Variants in C9orf72 observed in about 807,000 individuals in gnomAD.
The protein encoded by C9orf72 is guanine nucleotide exchange factor C9orf72.
C9orf72 carries 44 observed loss-of-function variants against 51.6 expected under a neutral mutation model. The observed-to-expected ratio is 0.85, with a 90% CI of 0.67 to 1.10. The LOEUF is 1.10. Ranked by LOEUF, C9orf72 falls within the 50% of genes least tolerant of loss-of-function variation. The pLI is 0.00. For missense variants in C9orf72, 607 were observed against 570.6 expected (o/e 1.06, Z -0.65); for synonymous variants, 213 against 194.2 (o/e 1.10, Z -0.81).
rs759411226 is a variant in C9orf72 at position 27,566,791 on chromosome 9, A to G, written c.330T>C (p.Tyr110=). 5 of 1,613,896 alleles carry G rather than the reference A, an allele frequency of 3.1e-6. No homozygotes were observed. Among genetic ancestry groups the G allele is most frequent in the African/African-American group, 1.3e-5 (1 of 75,046 alleles). The change falls in exon 2 of 11, where the codon TAT becomes TAC. Residue 110 remains tyrosine, a synonymous_variant. Transcript: ENST00000380003. ...TCTGTGGAAGTATAATTGATAGTCC[A>G]TATGTGCTGCGATCCCCATTCCAGT... The part of the protein sequence containing the change: ...DGNWNGDRST[Y]GLSIILPQTE...
At chr9:27,565,418 G>C (rs1819444433) in intron 3 of C9orf72, 113 bp downstream of exon 3, 2 of 582,774 alleles carry the variant, frequency 3.4e-6, no homozygotes, top group South Asian at 2.7e-5. Flanking sequence ...CTCCATAAAA[G>C]CTCCATTAAA....
chr9:27,548,298 A>G lies in C9orf72; in HGVS notation c.1384T>C (p.Phe462Leu). The part of the protein sequence containing the change: ...AEKIKPGLHS[F>L]IFGRPFYTSV... The stretch of plus-strand genomic sequence containing the variant: ...GTGTAGAAAGGTCTTCCAAAGATAA[A>G]AGAGTGTAGGCCTGGTTTAATTTTC... Residue 462 changes from phenylalanine (F) to leucine (L), a missense_variant, in exon 11 of 11, where the codon TTT (phenylalanine) becomes CTT (leucine). Physicochemically the swap from Phe to Leu is conservative, Grantham distance 22. Coordinates refer to ENST00000380003, the MANE Select transcript of C9orf72 (RefSeq NM_018325.5). 6.2e-7 allele frequency: 1 copy of G among 1,613,510 alleles called. No homozygotes were observed.
chr9:27,553,419 C>A (rs575764086), intron 8 of C9orf72, among the ~76,000 whole-genome samples: 1 of 152,248 alleles, frequency 6.6e-6, no homozygotes, highest in East Asian at 1.9e-4. Flanking sequence ...CACTTACAAC[C>A]ATCTGATCTT....
At chr9:27,567,234 AT>A in intron 1 of C9orf72, 70 bp from the exon 2 acceptor site, 1 of 871,896 alleles carries the variant, frequency 1.1e-6, no homozygotes, top group Non-Finnish European at 1.7e-6. Flanking sequence ...ACCCCAAATG[AT>A]TTAGACATAT....
intron 1 of C9orf72, among the ~76,000 whole-genome samples, chr9:27,573,138 G>A (rs918561224): frequency 2.0e-5 from 3 of 152,126 alleles, no homozygotes; most frequent in Non-Finnish European, 2.9e-5. Flanking sequence ...GCGGGTCCCC[G>A]GGAAGGAGAC....
At chr9:27,560,532 A>G (rs1157696802) in intron 5 of C9orf72, 2 of 683,258 alleles carry the variant, frequency 2.9e-6, no homozygotes, top group Admixed American at 9.3e-5. Flanking sequence ...TCAGTATAAT[A>G]TCATTTAATT....
intron 6 of C9orf72, chr9:27,559,752 C>G (rs1463824143): frequency 6.6e-6 from 1 of 152,080 alleles, no homozygotes; most frequent in Non-Finnish European, 1.5e-5. Flanking sequence ...AGGAAAGGGT[C>G]AGAAACATTA....
At chr9:27,550,013 T>TA (rs548377560) in intron 9 of C9orf72, among the ~76,000 whole-genome samples, 1 of 150,846 alleles carries the variant, frequency 6.6e-6, no homozygotes, top group Non-Finnish European at 1.5e-5. Flanking sequence ...AAAATATATA[T>TA]AAAAAATATA....
At chr9:27,558,291 T>C (rs1360060571) in intron 7 of C9orf72, among the ~76,000 whole-genome samples, 200 bp downstream of exon 7, 3 of 150,256 alleles carry the variant, frequency 2.0e-5, no homozygotes, top group East Asian at 3.9e-4. Flanking sequence ...ACACAAAGGG[T>C]ATTCTATGGT....
chr9:27,551,012 T>C (rs1306397381), intron 8 of C9orf72, among the ~76,000 whole-genome samples: 2 of 152,152 alleles, frequency 1.3e-5, no homozygotes, highest in Non-Finnish European at 2.9e-5. Context: ...TCTATTTTAC[T>C]ACTCTCATCT....
Position 27,546,936 on chromosome 9 carries a change from T to TTTA in C9orf72, c.*1297_*1299dup, listed in dbSNP as rs1346724110. ...TGGGGGGCAGAAGGGCTCTATTACC[T>TTTA]TTATCCCTTTCTTATAAATATATTT... is the stretch of plus-strand genomic sequence containing the variant. On this transcript the variant is annotated 3_prime_UTR_variant, in exon 11 of 11. Coordinates refer to ENST00000380003, the MANE Select transcript of C9orf72 (RefSeq NM_018325.5). 3.9e-5 allele frequency: 6 copies of TTTA among 152,208 alleles called. No homozygotes were observed. The highest frequency in any genetic ancestry group is 7.4e-5 in the Non-Finnish European group (5 of 68,024). The allele number at this position is 152,208 out of a possible 1,614,324, so 9.4% of individuals were successfully genotyped here. A position where few individuals can be genotyped will look rare whatever the true frequency, so the allele number is the denominator to read the frequency against.
chr9:27,554,200 A>G (rs1820964461), intron 8 of C9orf72, among the ~76,000 whole-genome samples: 1 of 152,234 alleles, frequency 6.6e-6, no homozygotes, highest in East Asian at 1.9e-4. Context: ...TTTCTACCAT[A>G]AAGACACATG....
At position 27,551,124 on chromosome 9, in the gene C9orf72, C is replaced by T. The variant is rs540907395; in HGVS notation, c.1092-417G>A. 3.9e-5 allele frequency among the ~76,000 whole-genome samples: 6 copies of T among 152,160 alleles called. No homozygotes were observed. The South Asian group carries it at 1.2e-3, about 32-fold the overall frequency. ...ACAAACCAGCAACAAAAATAAGCCA[C>T]TACCATCAAAAACCAAAACAAACCA... On this transcript the variant is annotated intron_variant, in intron 8 of 10. Transcript: ENST00000380003.
chr9:27,556,808 A>G lies in C9orf72; in HGVS notation c.856-12T>C, dbSNP rs1819212273. ...CTTCCAGTTGAATCCTGTCAAAATA[A>G]AAGGAAAATTTACTGTCTTACATGC... On this transcript the variant is annotated splice_polypyrimidine_tract_variant and intron_variant, in intron 7 of 10. Transcript: ENST00000380003. 6.4e-7 allele frequency: 1 copy of G among 1,573,478 alleles called. No individual in the cohort carries two copies. The highest frequency in any genetic ancestry group is 1.7e-5 in the Admixed American group (1 of 59,794).
chr9:27,568,835 ACT>A (rs1491505983), intron 1 of C9orf72, among the ~76,000 whole-genome samples: 1 of 149,894 alleles, frequency 6.7e-6, no homozygotes, highest in Non-Finnish European at 1.5e-5. Context: ...CACTCCTTCT[ACT>A]TTTTTTTTTT....
In C9orf72 at chr9:27,548,145, G is replaced by A. The variant is rs928139081; in HGVS notation, c.*91C>T. On this transcript the variant is annotated 3_prime_UTR_variant, in exon 11 of 11. Transcript: ENST00000380003. The stretch of plus-strand genomic sequence containing the variant: ...TGCAATTGCTGAGAGCAGAATTCTG[G>A]AGTATGATCCAGGGGAACGTTTCCC... 3 of 944,350 alleles carry A rather than the reference G, an allele frequency of 3.2e-6. No individual in the cohort carries two copies. Among genetic ancestry groups the A allele is most frequent in the African/African-American group, 1.7e-5 (1 of 59,298 alleles). The allele number at this position is 944,350 out of a possible 1,614,324, so 58.5% of individuals were successfully genotyped here. A position where few individuals can be genotyped will look rare whatever the true frequency, so the allele number is the denominator to read the frequency against.
intron 8 of C9orf72, among the ~76,000 whole-genome samples, chr9:27,552,571 G>A (rs551271976): frequency 1.5e-5 from 2 of 135,028 alleles, no homozygotes; most frequent in Non-Finnish European, 3.0e-5. Flanking sequence ...GCCTAGGCTC[G>A]TCTTGAACTC....
At chr9:27,555,510 C>T (rs1820990473) in intron 8 of C9orf72, among the ~76,000 whole-genome samples, 1 of 150,670 alleles carries the variant, frequency 6.6e-6, no homozygotes, top group East Asian at 2.0e-4. Context: ...TGGGTTATTA[C>T]AGTTAACACT....
chr9:27,571,829 C>T (rs1039112987), intron 1 of C9orf72, among the ~76,000 whole-genome samples: 4 of 152,212 alleles, frequency 2.6e-5, no homozygotes, highest in Non-Finnish European at 5.9e-5. Context: ...CGTCCACTTT[C>T]CACAACAGGA....
Sources: allele counts gnomAD v4.1 joint callset (sites outside exome capture counted in the v4.1 genomes callset), GRCh38; gene constraint gnomAD v4.1.1; transcripts MANE v1.5; gene names NCBI Gene and HGNC (gene_info 2026-07-23, HGNC 2026-07-21).